GNPAT: variants seen among roughly 807,000 people sequenced by gnomAD.
GNPAT encodes the protein dihydroxyacetone phosphate acyltransferase.
A neutral mutation model predicts 78.4 loss-of-function variants in GNPAT; 30 were observed. The ratio of observed to expected loss-of-function variants is 0.38; its 90% CI spans 0.29 to 0.52. The LOEUF (loss-of-function observed/expected upper bound fraction) is 0.52, where lower values mean the gene tolerates loss of function less well. GNPAT is among the 20% of genes least tolerant of loss of function. GNPAT has a pLI of 0.84. For missense variants in GNPAT, 714 were observed against 812.2 expected (o/e 0.88, Z 1.47); for synonymous variants, 271 against 281.1 (o/e 0.96, Z 0.36).
intron 3 of GNPAT, 40 bp from the exon 4 acceptor site, chr1:231,262,683 G>A: frequency 6.5e-7 from 1 of 1,528,502 alleles, no homozygotes; most frequent in Non-Finnish European, 9.1e-7. Context: ...TTGATAACAT[G>A]ACAACTGAAA....
intron 1 of GNPAT, among the ~76,000 whole-genome samples, chr1:231,243,233 G>A (rs1242561215): frequency 6.6e-6 from 1 of 152,238 alleles, no homozygotes; most frequent in Non-Finnish European, 1.5e-5. Context: ...TTGTGGGAGA[G>A]ACAAGAAGGG....
In GNPAT at chr1:231,260,585, C is replaced by A; in HGVS notation, c.340C>A (p.Leu114Met). Residue 114 changes from leucine to methionine, a missense_variant, in exon 3 of 16, where the codon CTG becomes ATG. Transcript: ENST00000366647. ...GATCTTAGATGAAATGAGTCACAAA[C>A]TGCGTCTTGGAGCCATTCGGTTTTG... is the stretch of plus-strand genomic sequence containing the variant. ...SEILDEMSHKLRLGAIRFCAF... is the reference protein window; with the variant it reads ...SEILDEMSHKMRLGAIRFCAF... The A allele has an allele frequency of 1.9e-6, 3 of 1,611,648 alleles. No individual in the cohort carries two copies. The highest frequency in any genetic ancestry group is 2.5e-6 in the Non-Finnish European group (3 of 1,177,814).
In GNPAT at chr1:231,251,087, A is replaced by G; in HGVS notation, c.205A>G (p.Ile69Val). The change falls in exon 2 of 16, where the codon ATT becomes GTT. Residue 69 changes from isoleucine to valine, a missense_variant. Coordinates refer to ENST00000366647, the MANE Select transcript of GNPAT (RefSeq NM_014236.4). Reference protein sequence around the residue: ...VYKGITPCKPIDIKCSVLNSE... With the variant: ...VYKGITPCKPVDIKCSVLNSE... ...TAAGGGAATTACTCCATGTAAACCA[A>G]TTGATATTAAATGTAGTGTTCTCAA... is the stretch of plus-strand genomic sequence containing the variant. The G allele has an allele frequency of 6.3e-7, 1 of 1,598,290 alleles. No homozygotes were observed. The highest frequency in any genetic ancestry group is 8.6e-7 in the Non-Finnish European group (1 of 1,165,812).
At chr1:231,265,149 T>A (rs1281729605) in intron 4 of GNPAT, 144 bp from the exon 5 acceptor site, 3 of 684,390 alleles carry the variant, frequency 4.4e-6, no homozygotes, top group Non-Finnish European at 7.5e-6. Context: ...GGCCAGGAAG[T>A]TTGTGACCAA....
At chr1:231,270,250 T>G (rs939885563) in intron 9 of GNPAT, among the ~76,000 whole-genome samples, 18 of 152,220 alleles carry the variant, frequency 1.2e-4, no homozygotes, top group Middle Eastern at 3.2e-3. Context: ...TATCTTTGAT[T>G]TGGGGAAAAC....
At chr1:231,259,842 G>A (rs1334490698) in intron 2 of GNPAT, among the ~76,000 whole-genome samples, 1 of 152,124 alleles carries the variant, frequency 6.6e-6, no homozygotes, top group Admixed American at 6.5e-5. Flanking sequence ...ATTTCAAAGT[G>A]CTTGTTTAGG....
chr1:231,259,051 C>T (rs774378232), intron 2 of GNPAT, among the ~76,000 whole-genome samples: 1 of 152,136 alleles, frequency 6.6e-6, no homozygotes, highest in African/African-American at 2.4e-5. Flanking sequence ...CTTTACTTCT[C>T]ATTCAAACTT....
chr1:231,242,172 T>C (rs1157809260), intron 1 of GNPAT, among the ~76,000 whole-genome samples: 1 of 152,184 alleles, frequency 6.6e-6, no homozygotes, highest in Non-Finnish European at 1.5e-5. Context: ...AGATGGGAGC[T>C]TTATAGCCTT....
In GNPAT at chr1:231,275,448, A is replaced by G; in HGVS notation, c.1887A>G (p.Lys629=). ...ATGTATTATCTTCTGATGTGCAGAA[A>G]AACGCCTTAGCAGCCTGTGTGAGGC... ...CYDVLSSDVQ[K]NALAACVRLG... Residue 629 remains lysine, a synonymous_variant, in exon 14 of 16, where the codon AAA becomes AAG. Coordinates refer to ENST00000366647, the MANE Select transcript of GNPAT (RefSeq NM_014236.4). The G allele has an allele frequency of 6.2e-7, 1 of 1,612,886 alleles. No individual in the cohort carries two copies. Among genetic ancestry groups the G allele is most frequent in the Non-Finnish European group, 8.5e-7 (1 of 1,178,828 alleles).
chr1:231,253,127 C>T (rs1017500180), intron 2 of GNPAT, among the ~76,000 whole-genome samples: 3 of 152,156 alleles, frequency 2.0e-5, no homozygotes, highest in Non-Finnish European at 4.4e-5. Context: ...AGCCGCCACG[C>T]CCGGCTAATT....
intron 9 of GNPAT, chr1:231,270,163 C>T (rs1685517561): frequency 6.4e-6 from 1 of 156,654 alleles, no homozygotes; most frequent in Non-Finnish European, 1.4e-5. Context: ...TTCTGTAATT[C>T]TACCTGCCTG....
chr1:231,269,323 G>T (rs1434075913), intron 9 of GNPAT, among the ~76,000 whole-genome samples: 2 of 152,204 alleles, frequency 1.3e-5, no homozygotes, highest in South Asian at 4.1e-4. Flanking sequence ...TTGGGCCCCA[G>T]AGATTCATCA....
At position 231,273,970 on chromosome 1, in the gene GNPAT, G is replaced by A. The variant is rs1685638172; in HGVS notation, c.1651G>A (p.Val551Met). Residue 551 changes from valine (V) to methionine (M), a missense_variant, in exon 12 of 16, where the codon GTG (valine) becomes ATG (methionine). Transcript: ENST00000366647. ...YLLCKSEAIQVTTKDILVTEK... is the reference protein window; with the variant it reads ...YLLCKSEAIQMTTKDILVTEK... ...GCTTTGTAAAAGTGAAGCCATACAA[G>A]TGACTACGAAAGACATCCTAGTTAC... 6.2e-7 allele frequency: 1 copy of A among 1,612,284 alleles called. No individual in the cohort carries two copies. The highest frequency in any genetic ancestry group is 8.5e-7 in the Non-Finnish European group (1 of 1,178,304).
chr1:231,275,145 A>C, intron 12 of GNPAT, 76 bp from the exon 13 acceptor site: 1 of 847,138 alleles, frequency 1.2e-6, no homozygotes, highest in East Asian at 2.6e-5. Flanking sequence ...GGGCAATGTA[A>C]AGTTATTTAC....
rs2102829086 is a variant in GNPAT, at chr1:231,276,175, A to T, written c.1978A>T (p.Thr660Ser). ...ATTTAATGTGAATGAACCTGCCACA[A>T]CCAAATTAGAAGAAATGCTTGGTAA... ...CIFNVNEPAT[T>S]KLEEMLGCKT... is the part of the protein sequence containing the mutation. The change falls in exon 15 of 16, where the codon ACC becomes TCC. Residue 660 changes from threonine (T) to serine (S), a missense_variant. By Grantham distance (58) the Thr-to-Ser change is moderately conservative (BLOSUM62 1). Transcript: ENST00000366647. 2.1e-6 allele frequency: 3 copies of T among 1,430,966 alleles called. No homozygotes were observed. Among genetic ancestry groups the T allele is most frequent in the Non-Finnish European group, 3.0e-6 (3 of 1,014,380 alleles). 88.6% of individuals were successfully genotyped at this position (1,430,966 alleles called of 1,614,324 possible).
intron 14 of GNPAT, 71 bp downstream of exon 14, chr1:231,275,569 A>G: frequency 1.1e-6 from 1 of 870,428 alleles, no homozygotes; most frequent in South Asian, 1.3e-5. Context: ...CTCAAAATCC[A>G]GAGAGACATA....
intron 11 of GNPAT, 97 bp downstream of exon 11, chr1:231,272,488 CCTTT>C (rs1326250002): frequency 7.9e-5 from 59 of 748,610 alleles, no homozygotes; most frequent in African/African-American, 5.2e-5. Context: ...GTGTGCCATC[CCTTT>C]CTTCAAGGCA....
At position 231,266,185 on chromosome 1, in the gene GNPAT, G is replaced by A; in HGVS notation, c.924+20G>A. 6.2e-7 allele frequency: 1 copy of A among 1,613,334 alleles called. No individual in the cohort carries two copies. The highest frequency in any genetic ancestry group is 8.5e-7 in the Non-Finnish European group (1 of 1,179,514). ...ACAACTGTACGTGAGCTTGATTTTAGCTTAATTGAGAGAATGTGCTGACTG... is the reference window on the plus strand; with the variant it reads ...ACAACTGTACGTGAGCTTGATTTTAACTTAATTGAGAGAATGTGCTGACTG... On this transcript the variant is annotated intron_variant, in intron 7 of 15. Transcript: ENST00000366647.
intron 2 of GNPAT, among the ~76,000 whole-genome samples, chr1:231,253,121 G>A (rs1451221601): frequency 6.6e-6 from 1 of 151,990 alleles, no homozygotes; most frequent in African/African-American, 2.4e-5. Flanking sequence ...GGCACCAGCC[G>A]CCACGCCCGG....
Sources: gnomAD v4.1 joint callset for allele counts (sites outside exome capture counted in the v4.1 genomes callset) on GRCh38, gnomAD v4.1.1 for gene constraint, MANE v1.5 for transcripts, NCBI Gene and HGNC (gene_info 2026-07-23, HGNC 2026-07-21) for gene names.